NKTR: variants seen among roughly 807,000 people sequenced by gnomAD.
NKTR encodes NK-tumor recognition protein.
Under a neutral mutation model 156.3 loss-of-function variants are expected in NKTR, and 67 were observed. The ratio of observed to expected loss-of-function variants is 0.43; its 90% confidence interval spans 0.35 to 0.53. The LOEUF is 0.53. NKTR is among the 20% of genes least tolerant of loss of function. NKTR has a pLI of 0.01. For missense variants in NKTR, 1,604 were observed against 1,730.9 expected (o/e 0.93, Z 1.30); for synonymous variants, 640 against 596.6 (o/e 1.07, Z -1.06).
Position 42,630,528 on chromosome 3 carries a change from T to C in NKTR, c.375-18T>C, listed in dbSNP as rs369445475. The C allele has an allele frequency of 8.2e-5, 133 of 1,613,608 alleles. No homozygotes were observed. Among genetic ancestry groups the C allele is most frequent in the Non-Finnish European group, 1.0e-4 (120 of 1,179,744 alleles). The stretch of plus-strand genomic sequence containing the variant: ...CATCGTGTTTGACATCATCTTTGTG[T>C]TGATGTTTATTACATAGTACCACAA... On this transcript the variant is annotated intron_variant, in intron 6 of 16. Coordinates refer to ENST00000232978, the MANE Select transcript of NKTR (RefSeq NM_005385.4).
At chr3:42,613,063 G>A (rs1195103940) in intron 2 of NKTR, among the ~76,000 whole-genome samples, 2 of 152,044 alleles carry the variant, frequency 1.3e-5, no homozygotes, top group Non-Finnish European at 2.9e-5. Flanking sequence ...CAGGCACTAC[G>A]TAAGTCTCTG....
In NKTR at chr3:42,631,259, T is replaced by C; in HGVS notation, c.493T>C (p.Tyr165His). 1 of 1,614,032 alleles carries C rather than the reference T, an allele frequency of 6.2e-7. No homozygotes were observed. ...NLKTDAASRPYADVRVIDCGV... is the reference protein window; with the variant it reads ...NLKTDAASRPHADVRVIDCGV... ...GAAGACCGATGCTGCAAGCAGACCA[T>C]ATGCAGATGTGCGAGTTATTGACTG... Residue 165 changes from tyrosine (Y) to histidine (H), a missense_variant, in exon 8 of 17, where the codon TAT becomes CAT. Physicochemically the swap from Tyr to His is moderately conservative, Grantham distance 83. Coordinates refer to ENST00000232978, the MANE Select transcript of NKTR (RefSeq NM_005385.4).
chr3:42,610,254 C>T (rs1181362307), intron 2 of NKTR, among the ~76,000 whole-genome samples: 1 of 152,066 alleles, frequency 6.6e-6, no homozygotes, highest in South Asian at 2.1e-4. Flanking sequence ...TCCGCGCCCC[C>T]CACCGCCTCC....
intron 3 of NKTR, among the ~76,000 whole-genome samples, chr3:42,618,351 C>CAAAA (rs370572858): frequency 1.4e-5 from 1 of 73,822 alleles, no homozygotes; most frequent in African/African-American, 4.6e-5. Context: ...GACTTTGTCT[C>CAAAA]AAAAAAAAAA....
At chr3:42,613,109 ATC>A (rs1707000395) in intron 2 of NKTR, among the ~76,000 whole-genome samples, 2 of 152,248 alleles carry the variant, frequency 1.3e-5, no homozygotes, top group African/African-American at 2.4e-5. Context: ...CATGGTCCCT[ATC>A]TCTCTGCGGT....
chr3:42,638,161 ACAGT>A lies in NKTR; in HGVS notation c.2461_2464del (p.Ser821ProfsTer40), dbSNP rs755525052. ...GTGAGCAGTCAAGTGTTCAGGCCACACAGTCAGCCCAGGAAAAAGAGAAGCAGGG... is the reference window on the plus strand; with the variant it reads ...GTGAGCAGTCAAGTGTTCAGGCCACACAGCCCAGGAAAAAGAGAAGCAGGG... On this transcript the variant is annotated frameshift_variant, in exon 13 of 17. Coordinates refer to ENST00000232978, the MANE Select transcript of NKTR (RefSeq NM_005385.4). LOFTEE classifies it high-confidence loss of function. 6.2e-6 allele frequency: 10 copies of A among 1,612,954 alleles called. No homozygotes were observed. Among genetic ancestry groups the A allele is most frequent in the South Asian group, 3.3e-5 (3 of 90,830 alleles).
At position 42,637,147 on chromosome 3, in the gene NKTR, A is replaced by T. The variant is rs562156982; in HGVS notation, c.1443A>T (p.Arg481Ser). The stretch of plus-strand genomic sequence containing the variant: ...GAAGAATGAAATCCTCTTGTGATAG[A>T]GAAAGGAGTTCTCGTTCTTCCTCAT... ...STRRMKSSCD[R>S]ERSSRSSSLS... Residue 481 changes from arginine to serine, a missense_variant, in exon 13 of 17, where the codon AGA becomes AGT. Around this residue, in one of 6 missense-constraint regions of NKTR, gnomAD observed 1,255 missense variants for 1,243.7 expected, o/e 1.01. Coordinates refer to ENST00000232978, the MANE Select transcript of NKTR (RefSeq NM_005385.4). 1.9e-6 allele frequency: 3 copies of T among 1,611,858 alleles called. No individual in the cohort carries two copies. Among genetic ancestry groups the T allele is most frequent in the Admixed American group, 3.4e-5 (2 of 59,470 alleles).
At chr3:42,640,483 C>T (rs564270888) in intron 13 of NKTR, among the ~76,000 whole-genome samples, 1 of 152,120 alleles carries the variant, frequency 6.6e-6, no homozygotes, top group Non-Finnish European at 1.5e-5. Flanking sequence ...CTTAATTATT[C>T]ATATCCCTTA....
Position 42,638,319 on chromosome 3 carries a change from G to A in NKTR, c.2615G>A (p.Gly872Asp). 6.2e-7 allele frequency: 1 copy of A among 1,610,288 alleles called. No homozygotes were observed. The highest frequency in any genetic ancestry group is 8.5e-7 in the Non-Finnish European group (1 of 1,179,014). Residue 872 changes from glycine (G) to aspartate (D), a missense_variant, in exon 13 of 17, where the codon GGC becomes GAC. This residue lies in a region of NKTR where 1,255 missense variants were observed against 1,243.7 expected (regional missense o/e 1.01). Coordinates refer to ENST00000232978, the MANE Select transcript of NKTR (RefSeq NM_005385.4). ...AATCTTTCTGATCACCTTAGAAATG[G>A]CAGTAAGCCCAAAAGGAAGAATTAT... ...KENLSDHLRN[G>D]SKPKRKNYAG...
chr3:42,635,833 G>A (rs534968377), intron 12 of NKTR, among the ~76,000 whole-genome samples: 121 of 152,052 alleles, frequency 8.0e-4, no homozygotes, highest in Non-Finnish European at 1.2e-3. Flanking sequence ...GTGTGAACCC[G>A]GGAGGTGGAG....
At chr3:42,602,125 G>A (rs1705556209) in intron 2 of NKTR, 1 of 152,172 alleles carries the variant, frequency 6.6e-6, no homozygotes, top group Non-Finnish European at 1.5e-5. Flanking sequence ...ATACAGTCAG[G>A]CGCCAAATGA....
chr3:42,600,911 GCCCCGCCCTCGC>G (rs1298941016), intron 1 of NKTR, 61 bp from the exon 2 acceptor site: 10 of 946,234 alleles, frequency 1.1e-5, no homozygotes, highest in Non-Finnish European at 1.5e-5. Context: ...CTTCGTCTCA[GCCCCGCCCTCGC>G]CCCTGCCCTC....
intron 15 of NKTR, 21 bp downstream of exon 15, chr3:42,643,416 A>G (rs1710070432): frequency 6.3e-7 from 1 of 1,598,804 alleles, no homozygotes; most frequent in Non-Finnish European, 8.6e-7. Flanking sequence ...GGATTGGGAA[A>G]CCACCAGTGG....
At chr3:42,634,425 G>A (rs1320183816) in intron 10 of NKTR, among the ~76,000 whole-genome samples, 188 bp from the exon 11 acceptor site, 1 of 152,130 alleles carries the variant, frequency 6.6e-6, no homozygotes, top group East Asian at 1.9e-4. Context: ...TTTATAATTA[G>A]CTCTCTGCAT....
intron 8 of NKTR, among the ~76,000 whole-genome samples, chr3:42,631,849 A>C (rs1386070181): frequency 6.6e-6 from 1 of 152,090 alleles, no homozygotes; most frequent in Non-Finnish European, 1.5e-5. Context: ...AGGCACATTG[A>C]CCTTTTTTCA....
intron 2 of NKTR, among the ~76,000 whole-genome samples, chr3:42,605,822 A>G (rs1242027092): frequency 6.6e-6 from 1 of 152,198 alleles, no homozygotes; most frequent in Non-Finnish European, 1.5e-5. Context: ...TTATTAACCT[A>G]ATAATAGGAC....
In NKTR at chr3:42,600,714, T is replaced by C. The variant is rs1705295730; in HGVS notation, c.-88T>C. On this transcript the variant is annotated 5_prime_UTR_variant, in exon 1 of 17. Coordinates refer to ENST00000232978, the MANE Select transcript of NKTR (RefSeq NM_005385.4). ...GGCGTTCCGTTAGCGGCGTTGGGGTTTGGCTGCAGTGGCAGTGCTTTCTCT... is the reference window on the plus strand; with the variant it reads ...GGCGTTCCGTTAGCGGCGTTGGGGTCTGGCTGCAGTGGCAGTGCTTTCTCT... The C allele has an allele frequency of 3.7e-6, 1 of 267,164 alleles. No individual in the cohort carries two copies. Among genetic ancestry groups the C allele is most frequent in the African/African-American group, 2.2e-5 (1 of 44,896 alleles). 16.5% of individuals were successfully genotyped at this position (267,164 alleles called of 1,614,324 possible). A position where few individuals can be genotyped will look rare whatever the true frequency, so the allele number is the denominator to read the frequency against.
Position 42,637,851 on chromosome 3 carries a change from A to G in NKTR, c.2147A>G (p.His716Arg). ...YTRSRSLASS[H>R]SRSRSPSSRS... ...AGATCACGTAGTCTAGCTAGTTCAC[A>G]TTCAAGGTCTAGGTCTCCATCATCT... Residue 716 changes from histidine to arginine, a missense_variant, in exon 13 of 17, where the codon CAT (histidine) becomes CGT (arginine). Physicochemically the swap from His to Arg is conservative, Grantham distance 29. This residue lies in a region of NKTR where 1,255 missense variants were observed against 1,243.7 expected (regional missense o/e 1.01). Transcript: ENST00000232978. The G allele has an allele frequency of 6.2e-7, 1 of 1,613,948 alleles. No homozygotes were observed. Among genetic ancestry groups the G allele is most frequent in the South Asian group, 1.1e-5 (1 of 91,078 alleles).
Position 42,639,385 on chromosome 3 carries a change from G to A in NKTR, c.3681G>A (p.Lys1227=). 2 of 1,613,988 alleles carry A rather than the reference G, an allele frequency of 1.2e-6. No homozygotes were observed. The highest frequency in any genetic ancestry group is 1.7e-6 in the Non-Finnish European group (2 of 1,179,888). ...SQINLIDKKW[K]PLQGVGNLAA... The stretch of plus-strand genomic sequence containing the variant: ...TCAACCTCATTGATAAGAAATGGAA[G>A]CCCCTGCAAGGTGTGGGGAACCTGG... Residue 1227 remains lysine, a synonymous_variant, in exon 13 of 17, where the codon AAG becomes AAA. Coordinates refer to ENST00000232978, the MANE Select transcript of NKTR (RefSeq NM_005385.4).
Sources: gnomAD v4.1 joint callset for allele counts (sites outside exome capture counted in the v4.1 genomes callset) on GRCh38, gnomAD v4.1.1 for gene constraint, gnomAD v4.1.1 regional missense constraint, MANE v1.5 for transcripts, NCBI Gene and HGNC (gene_info 2026-07-23, HGNC 2026-07-21) for gene names.